The following CHRNE variants were observed in gnomAD, a reference collection of about 807,000 sequenced individuals.
CHRNE encodes the protein cholinergic receptor nicotinic epsilon subunit.
In CHRNE, 58 loss-of-function variants were observed where a neutral mutation model predicts 56.5. That is an observed-to-expected ratio of 1.03 (90% CI 0.83 to 1.28). The LOEUF (loss-of-function observed/expected upper bound fraction) is 1.28, where lower values mean the gene tolerates loss of function less well. Among genes scored for constraint, CHRNE ranks in the 50% most tolerant of loss-of-function variants. The pLI, the probability that CHRNE is intolerant of heterozygous loss-of-function variation, is 0.00. For missense variants in CHRNE, 793 were observed against 688.9 expected (o/e 1.15, Z -1.69); for synonymous variants, 385 against 297.9 (o/e 1.29, Z -3.01).
rs1969985315 is a variant in CHRNE at position 4,901,556 on chromosome 17, G to GT, written c.569dup (p.Asn190LysfsTer12). On this transcript the variant is annotated frameshift_variant, in exon 6 of 12. Coordinates refer to ENST00000649488, the MANE Select transcript of CHRNE (RefSeq NM_000080.4). LOFTEE classifies it high-confidence loss of function. ...AGGCCTCTGTGTCGATGTCGATCTT[G>GT]TTGATGGTCTTGCCGTCGTTGTCTA... is the stretch of plus-strand genomic sequence containing the variant. 6.2e-7 allele frequency: 1 copy of GT among 1,614,086 alleles called. No individual in the cohort carries two copies. The highest frequency in any genetic ancestry group is 8.5e-7 in the Non-Finnish European group (1 of 1,180,044).
Position 4,898,670 on chromosome 17 carries a change from C to A in CHRNE, c.*66G>T. The A allele has an allele frequency of 6.4e-7, 1 of 1,554,148 alleles. No individual in the cohort carries two copies. The highest frequency in any genetic ancestry group is 1.3e-5 in the African/African-American group (1 of 74,096). ...GGAAGGGATCATAATGCCGTGGTGG[C>A]GGCAGCCTACTTTTTCAAAATCAAT... is the stretch of plus-strand genomic sequence containing the variant. On this transcript the variant is annotated 3_prime_UTR_variant, in exon 12 of 12. Coordinates refer to ENST00000649488, the MANE Select transcript of CHRNE (RefSeq NM_000080.4).
chr17:4,901,884 G>GGC, intron 5 of CHRNE, 48 bp downstream of exon 5: 28 of 1,526,218 alleles, frequency 1.8e-5, no homozygotes, highest in Non-Finnish European at 2.4e-5. Flanking sequence ...GCCCCATAAG[G>GGC]CCCCCCCCCA....
rs941816582 is a variant in CHRNE, at chr17:4,902,558, G to T, written c.189+63C>A. 60 of 1,613,714 alleles carry T rather than the reference G, an allele frequency of 3.7e-5. No homozygotes were observed. The highest frequency in any genetic ancestry group is 6.8e-6 in the Non-Finnish European group (8 of 1,179,688). On this transcript the variant is annotated intron_variant, in intron 2 of 11. Coordinates refer to ENST00000649488, the MANE Select transcript of CHRNE (RefSeq NM_000080.4). This position sits in a 1 kb window ranked among gnomAD's most constrained non-coding sequence, Gnocchi z 4.0. ...AGGGCCAGAAGTGAGCTTTAGGACA[G>T]AGCTCAGCGGTTGGGGCCAGAAGTG...
Position 4,901,699 on chromosome 17 carries a change from C to T in CHRNE, c.501-74G>A. The T allele has an allele frequency of 7.5e-6, 11 of 1,474,324 alleles. No homozygotes were observed. The South Asian group carries it at 1.3e-4, about 17-fold the overall frequency. 91.3% of individuals were successfully genotyped at this position (1,474,324 alleles called of 1,614,324 possible). ...CCGGCCTCAGGCCCAGCCCTGGAAG[C>T]TGGGATCTAGCGGGGCCGCGATCCC... On this transcript the variant is annotated intron_variant, in intron 5 of 11. Transcript: ENST00000649488.
chr17:4,902,007 G>A lies in CHRNE; in HGVS notation c.425C>T (p.Ala142Val), dbSNP rs760402668. 3 of 1,614,146 alleles carry A rather than the reference G, an allele frequency of 1.9e-6. No individual in the cohort carries two copies. Among genetic ancestry groups the A allele is most frequent in the South Asian group, 2.2e-5 (2 of 91,090 alleles). ...EGGSVTWLPP[A>V]IYRSVCAVEV... The stretch of plus-strand genomic sequence containing the variant: ...CACTGCGCAGACGCTGCGGTAGATG[G>A]CCGGAGGCAGCCACGTCACGGAGCC... The change falls in exon 5 of 12, where the codon GCC (alanine) becomes GTC (valine). Residue 142 changes from alanine (A) to valine (V), a missense_variant. Transcript: ENST00000649488. The surrounding 1 kb of genome is among the most constrained non-coding windows in gnomAD (Gnocchi z 4.0).
intron 11 of CHRNE, 28 bp from the exon 12 acceptor site, chr17:4,898,919 A>T (rs1325459508): frequency 1.3e-6 from 2 of 1,569,186 alleles, no homozygotes; most frequent in South Asian, 2.3e-5. Flanking sequence ...CAGTCAGTAA[A>T]GAGGCAGCTG....
At chr17:4,901,666 C>T in intron 5 of CHRNE, 41 bp from the exon 6 acceptor site, 2 of 1,574,744 alleles carry the variant, frequency 1.3e-6, no homozygotes, top group Non-Finnish European at 1.7e-6. Context: ...GAAGCTCTGA[C>T]CTGGGCCCCG....
In CHRNE at chr17:4,899,193, C is replaced by T. The variant is rs766029026; in HGVS notation, c.1219+5G>A. 9.4e-6 allele frequency: 15 copies of T among 1,601,626 alleles called. No homozygotes were observed. Among genetic ancestry groups the T allele is most frequent in the Non-Finnish European group, 1.1e-5 (13 of 1,176,558 alleles). The stretch of plus-strand genomic sequence containing the variant: ...GGCCCCCCGGGCCAGGGCCACTGTG[C>T]TCACCCGTCCAGGTCCCCTGCCGGT... On this transcript the variant is annotated splice_donor_5th_base_variant and intron_variant, in intron 10 of 11. Coordinates refer to ENST00000649488, the MANE Select transcript of CHRNE (RefSeq NM_000080.4).
chr17:4,899,675 C>T (rs932065785), intron 8 of CHRNE, 93 bp from the exon 9 acceptor site: 26 of 1,441,908 alleles, frequency 1.8e-5, no homozygotes, highest in Middle Eastern at 1.7e-4. Flanking sequence ...TCTCCTGGTA[C>T]GGGCTGGTTA....
rs754001856 is a variant in CHRNE, at chr17:4,902,692, G to A, written c.118C>T (p.Arg40Trp). The A allele has an allele frequency of 2.9e-5, 46 of 1,613,994 alleles. No individual in the cohort carries two copies. Among genetic ancestry groups the A allele is most frequent in the Middle Eastern group, 1.6e-4 (1 of 6,082 alleles). Residue 40 changes from arginine (R) to tryptophan (W), a missense_variant, in exon 2 of 12, where the codon CGG (arginine) becomes TGG (tryptophan). Coordinates refer to ENST00000649488, the MANE Select transcript of CHRNE (RefSeq NM_000080.4). The surrounding 1 kb of genome is among the most constrained non-coding windows in gnomAD (Gnocchi z 4.0). ...HLFNNYDPGS[R>W]PVREPEDTVT... ...GTATCCTCAGGCTCCCGCACTGGCC[G>A]GCTTCCTGGGTCATAGTTGTTGAAG...
At chr17:4,899,424 A>AAGCCCCACCCCGACCCGGGC in intron 9 of CHRNE, 40 bp from the exon 10 acceptor site, 1 of 1,547,726 alleles carries the variant, frequency 6.5e-7, no homozygotes, top group South Asian at 1.2e-5. Context: ...GGTTAGTACG[A>AAGCCCCACCCCGACCCGGGC]AGCCCCACCC....
In CHRNE at chr17:4,899,651, T is replaced by C. The variant is rs117949012; in HGVS notation, c.918-69A>G. 6.8e-3 allele frequency: 9,864 copies of C among 1,455,834 alleles called. 71 individuals are homozygous for C. Among genetic ancestry groups the C allele is most frequent in the South Asian group, 0.014 (1,157 of 82,244 alleles). The allele number at this position is 1,455,834 out of a possible 1,614,324, so 90.2% of individuals were successfully genotyped here. ...CTACCGAAGGCGCCGCGCGCTGACC[T>C]CACAAACACGGCTTCTCCTGGTACG... On this transcript the variant is annotated intron_variant, in intron 8 of 11. Coordinates refer to ENST00000649488, the MANE Select transcript of CHRNE (RefSeq NM_000080.4).
chr17:4,901,912 C>G lies in CHRNE; in HGVS notation c.500+20G>C, dbSNP rs1272331072. 1.3e-6 allele frequency: 2 copies of G among 1,508,024 alleles called. No individual in the cohort carries two copies. Among genetic ancestry groups the G allele is most frequent in the African/African-American group, 2.8e-5 (2 of 72,168 alleles). The allele number at this position is 1,508,024 out of a possible 1,614,324, so 93.4% of individuals were successfully genotyped here. ...CCCCCCCAACAATAATCGTCCGGGC[C>G]TCGGAGTAGCTCTTCCCACCGGAAA... On this transcript the variant is annotated intron_variant, in intron 5 of 11. Transcript: ENST00000649488.
rs916950933 is a variant in CHRNE, at chr17:4,900,654, C to G, written c.917+139G>C. ...GAGGACGGCGGACCAGGGACTCCAT[C>G]CCCGTACCAGCCCCACCCAGCGTCC... On this transcript the variant is annotated intron_variant, in intron 8 of 11. Coordinates refer to ENST00000649488, the MANE Select transcript of CHRNE (RefSeq NM_000080.4). The G allele has an allele frequency of 9.6e-5, 139 of 1,443,774 alleles. 1 individual carries two copies. The African/African-American group carries it at 1.8e-3, about 19-fold the overall frequency. 89.4% of individuals were successfully genotyped at this position (1,443,774 alleles called of 1,614,324 possible). A position where few individuals can be genotyped will look rare whatever the true frequency, so the allele number is the denominator to read the frequency against.
In CHRNE at chr17:4,900,809, C is replaced by A; in HGVS notation, c.901G>T (p.Val301Leu). The part of the protein sequence containing the change: ...AQKIPETSLS[V>L]PLLGRFLIFV... ...CGGCTTCACCTGCCCAGGAGCGGCA[C>A]GCTCAGAGAAGTCTCTGGGATTTTC... The change falls in exon 8 of 12, where the codon GTG (valine) becomes TTG (leucine). Residue 301 changes from valine to leucine, a missense_variant. Transcript: ENST00000649488. 1.9e-6 allele frequency: 3 copies of A among 1,613,928 alleles called. No homozygotes were observed. The highest frequency in any genetic ancestry group is 2.5e-6 in the Non-Finnish European group (3 of 1,179,864).
intron 5 of CHRNE, 81 bp from the exon 6 acceptor site, chr17:4,901,706 C>T: frequency 1.4e-6 from 2 of 1,423,240 alleles, no homozygotes; most frequent in Non-Finnish European, 2.0e-6. Flanking sequence ...AAGCTGGGAT[C>T]TAGCGGGGCC....
intron 1 of CHRNE, among the ~76,000 whole-genome samples, chr17:4,908,478 G>A (rs1392150624): frequency 1.6e-5 from 2 of 123,374 alleles, no homozygotes; most frequent in East Asian, 2.1e-4. Context: ...CTCAGCCACC[G>A]TTCCTGCCAG....
chr17:4,898,759 A>T lies in CHRNE; in HGVS notation c.1459T>A (p.Tyr487Asn). ...AGCTAAGGCTGGATACACGGCGCGT[A>T]GGGGAGATCAGGCACTCGGTTGAAG... ...AYFNRVPDLPYAPCIQP is the reference protein window; with the variant it reads ...AYFNRVPDLPNAPCIQP The change falls in exon 12 of 12, where the codon TAC becomes AAC. Residue 487 changes from tyrosine (Y) to asparagine (N), a missense_variant. Physicochemically the swap from Tyr to Asn is moderately radical, Grantham distance 143. Coordinates refer to ENST00000649488, the MANE Select transcript of CHRNE (RefSeq NM_000080.4). 1.2e-6 allele frequency: 2 copies of T among 1,611,144 alleles called. No homozygotes were observed. The highest frequency in any genetic ancestry group is 2.2e-5 in the South Asian group (2 of 90,278).
At chr17:4,900,734 T>C in intron 8 of CHRNE, 59 bp downstream of exon 8, 1 of 1,541,024 alleles carries the variant, frequency 6.5e-7, no homozygotes. Flanking sequence ...GGTCTCTGGG[T>C]TTTGGCCACG....
Sources: allele counts gnomAD v4.1 joint callset (sites outside exome capture counted in the v4.1 genomes callset), GRCh38; gene constraint gnomAD v4.1.1; non-coding constraint Gnocchi (gnomAD v3.1); transcripts MANE v1.5; gene names NCBI Gene and HGNC (gene_info 2026-07-23, HGNC 2026-07-21).